RABGAP1L: variants seen among roughly 807,000 people sequenced by gnomAD.
The protein encoded by RABGAP1L is RAB GTPase activating protein 1 like.
Under a neutral mutation model 137.7 loss-of-function variants are expected in RABGAP1L, and 63 were observed. The observed-to-expected ratio is 0.46, with a 90% CI of 0.37 to 0.56. The LOEUF is 0.56. RABGAP1L is among the 20% of genes least tolerant of loss of function. The pLI, the probability that RABGAP1L is intolerant of heterozygous loss-of-function variation, is 0.00. For missense variants in RABGAP1L, 1,095 were observed against 1,244.0 expected (o/e 0.88, Z 1.80); for synonymous variants, 431 against 433.7 (o/e 0.99, Z 0.08).
chr1:174,746,374 A>G (rs1001641180), intron 17 of RABGAP1L, among the ~76,000 whole-genome samples: 1 of 152,232 alleles, frequency 6.6e-6, no homozygotes, highest in Non-Finnish European at 1.5e-5. Context: ...TGCAAGGCTG[A>G]TCTCAATCTG....
intron 13 of RABGAP1L, among the ~76,000 whole-genome samples, chr1:174,403,208 AGTGTGTGTGT>A (rs201238291): frequency 1.3e-4 from 16 of 126,676 alleles, no homozygotes; most frequent in South Asian, 7.9e-4. Context: ...TATATATGAG[AGTGTGTGTGT>A]GTGTGTGTGT....
In RABGAP1L at chr1:174,740,409, T is replaced by C. The variant is rs533544684; in HGVS notation, c.2170-11904T>C. On this transcript the variant is annotated intron_variant, in intron 17 of 25. Transcript: ENST00000681986. The stretch of plus-strand genomic sequence containing the variant: ...TGATATAAACCTAGGACTTCACCCC[T>C]TGGAGGGATGAAAGTTTACTATGCA... Among the ~76,000 whole-genome samples, 23 of 152,198 alleles carry C rather than the reference T, an allele frequency of 1.5e-4. No individual in the cohort carries two copies. The East Asian group carries it at 3.9e-3, about 26-fold the overall frequency.
chr1:174,242,108 A>C (rs1184198513), intron 5 of RABGAP1L, among the ~76,000 whole-genome samples: 2 of 152,186 alleles, frequency 1.3e-5, no homozygotes, highest in East Asian at 1.9e-4. Flanking sequence ...GTTTTCATTG[A>C]TGATTATTTG....
intron 13 of RABGAP1L, among the ~76,000 whole-genome samples, chr1:174,541,390 T>C (rs758236069): frequency 1.7e-4 from 26 of 152,206 alleles, no homozygotes; most frequent in Non-Finnish European, 3.2e-4. Context: ...GGAGTGCTTC[T>C]GGTTTTGGCC....
At chr1:174,401,951 G>T (rs542032655) in intron 13 of RABGAP1L, among the ~76,000 whole-genome samples, 13 of 152,146 alleles carry the variant, frequency 8.5e-5, no homozygotes, top group Non-Finnish European at 1.8e-4. Flanking sequence ...GTCAGGGGCT[G>T]TAAGAAGTTC....
intron 11 of RABGAP1L, among the ~76,000 whole-genome samples, chr1:174,320,448 G>T (rs1032960583): frequency 2.6e-5 from 4 of 152,104 alleles, no homozygotes; most frequent in African/African-American, 9.7e-5. Context: ...GCAATCTGTT[G>T]TATAGATATG....
chr1:174,972,860 A>C (rs1574048809), intron 21 of RABGAP1L, among the ~76,000 whole-genome samples: 1 of 150,926 alleles, frequency 6.6e-6, no homozygotes, highest in Admixed American at 6.6e-5. Context: ...TCTCAAAAAA[A>C]AAAAAAAAAA....
intron 19 of RABGAP1L, among the ~76,000 whole-genome samples, chr1:174,939,419 G>A (rs1665450592): frequency 6.6e-6 from 1 of 152,020 alleles, no homozygotes; most frequent in Non-Finnish European, 1.5e-5. Context: ...TTAGCTGGGT[G>A]TGGTGGTGCG....
intron 1 of RABGAP1L, among the ~76,000 whole-genome samples, chr1:174,174,969 A>G (rs1040372881): frequency 2.0e-5 from 3 of 152,210 alleles, no homozygotes; most frequent in Non-Finnish European, 4.4e-5. Flanking sequence ...CAAGTTGACA[A>G]CTAAAACTAG....
At chr1:174,637,967 T>G (rs1033447301) in intron 14 of RABGAP1L, among the ~76,000 whole-genome samples, 7 of 152,196 alleles carry the variant, frequency 4.6e-5, no homozygotes, top group Non-Finnish European at 8.8e-5. Flanking sequence ...TTTGAAATCT[T>G]TTTTCTCCCT....
rs147896535 is a variant in RABGAP1L at position 174,295,275 on chromosome 1, G to A, written c.1324-9711G>A. ...GTTGTACATGCTGGAGTGGTGTGGC[G>A]CAGTCATAGCTAACTGCAGCCTTGA... On this transcript the variant is annotated intron_variant, in intron 10 of 25. Transcript: ENST00000681986. 5.7e-3 allele frequency among the ~76,000 whole-genome samples: 855 copies of A among 149,736 alleles called. 10 individuals are homozygous for A. Among genetic ancestry groups the A allele is most frequent in the African/African-American group, 0.019 (791 of 40,580 alleles).
intron 1 of RABGAP1L, among the ~76,000 whole-genome samples, chr1:174,218,841 G>A (rs567561853): frequency 3.9e-4 from 60 of 152,202 alleles, no homozygotes; most frequent in African/African-American, 1.4e-3. Context: ...GAGTGAGTGT[G>A]TCAGGTAAAC....
intron 14 of RABGAP1L, among the ~76,000 whole-genome samples, chr1:174,637,895 T>C (rs1325237350): frequency 6.6e-6 from 1 of 152,222 alleles, no homozygotes; most frequent in Non-Finnish European, 1.5e-5. Context: ...AATTATTGGA[T>C]GTTGTTGATA....
intron 11 of RABGAP1L, among the ~76,000 whole-genome samples, chr1:174,320,936 G>A (rs2148826052): frequency 6.6e-6 from 1 of 152,278 alleles, no homozygotes; most frequent in East Asian, 1.9e-4. Context: ...AGGTCTGACT[G>A]CCTGGGAGTC....
At chr1:174,354,111 G>GATCT (rs369912139) in intron 11 of RABGAP1L, among the ~76,000 whole-genome samples, 2 of 152,228 alleles carry the variant, frequency 1.3e-5, no homozygotes, top group African/African-American at 4.8e-5. Flanking sequence ...TGAAGACAGT[G>GATCT]ATCTGCCCAG....
chr1:174,614,196 C>T (rs376391279), intron 13 of RABGAP1L, among the ~76,000 whole-genome samples: 1,538 of 152,106 alleles, frequency 0.01, 13 homozygotes, highest in South Asian at 0.023. Flanking sequence ...TGGCTGGTAC[C>T]GGTTGTTCCT....
At chr1:174,239,366 T>G (rs1224559717) in intron 4 of RABGAP1L, among the ~76,000 whole-genome samples, 1 of 152,230 alleles carries the variant, frequency 6.6e-6, no homozygotes, top group East Asian at 1.9e-4. Context: ...TACATTCCAG[T>G]TATACTAGCC....
chr1:174,793,534 A>G (rs1688013639), intron 18 of RABGAP1L, among the ~76,000 whole-genome samples: 2 of 152,350 alleles, frequency 1.3e-5, no homozygotes, highest in South Asian at 2.1e-4. Flanking sequence ...AGTTCCAACT[A>G]TAAAATAATG....
At chr1:174,409,126 A>G (rs1390944303) in intron 13 of RABGAP1L, among the ~76,000 whole-genome samples, 1 of 152,196 alleles carries the variant, frequency 6.6e-6, no homozygotes, top group African/African-American at 2.4e-5. Flanking sequence ...TTAGTCATAA[A>G]TTATTGTTAC....
Sources: allele counts gnomAD v4.1 joint callset (sites outside exome capture counted in the v4.1 genomes callset), GRCh38; gene constraint gnomAD v4.1.1; transcripts MANE v1.5; gene names NCBI Gene and HGNC (gene_info 2026-07-23, HGNC 2026-07-21).